The following ADGRV1 variants were observed in gnomAD, a reference collection of about 807,000 sequenced individuals.
ADGRV1 encodes G-protein coupled receptor 98.
A neutral mutation model predicts 596.2 loss-of-function variants in ADGRV1; 359 were observed. The observed-to-expected ratio is 0.60, with a 90% CI of 0.55 to 0.66. The LOEUF is 0.66. ADGRV1 is among the 30% of genes least tolerant of loss of function. The probability of loss-of-function intolerance (pLI) is 0.00; values close to 1 mark genes in which losing one functional copy is unlikely to be tolerated. For synonymous variants in ADGRV1, 2,681 were observed against 2,679.2 expected, an observed-to-expected ratio of 1.00 and a Z score of -0.02; for missense variants, 7,274 against 7,575.6, an observed-to-expected ratio of 0.96 and a Z score of 1.48.
chr5:90,574,130 A>C (rs759505061), intron 1 of ADGRV1, among the ~76,000 whole-genome samples: 1 of 149,982 alleles, frequency 6.7e-6, no homozygotes, highest in African/African-American at 2.4e-5. Context: ...TGCTTTGTCT[A>C]TTGAGGCTCT....
At chr5:90,871,584 C>T (rs946697279) in intron 83 of ADGRV1, among the ~76,000 whole-genome samples, 8 of 152,180 alleles carry the variant, frequency 5.3e-5, no homozygotes, top group African/African-American at 9.7e-5. Flanking sequence ...ACATAGCTTT[C>T]GTTACTAGGA....
intron 38 of ADGRV1, 34 bp from the exon 39 acceptor site, chr5:90,708,782 A>G: frequency 7.5e-7 from 1 of 1,331,628 alleles, no homozygotes. Flanking sequence ...TTGAGAGTAT[A>G]ACTAAAGGAA....
chr5:90,895,973 T>G (rs547775169), intron 83 of ADGRV1, among the ~76,000 whole-genome samples: 1 of 152,216 alleles, frequency 6.6e-6, no homozygotes, highest in South Asian at 2.1e-4. Context: ...TGTGCTCTAT[T>G]CTGTTTAGGA....
intron 78 of ADGRV1, among the ~76,000 whole-genome samples, 189 bp from the exon 79 acceptor site, chr5:90,848,448 T>G (rs1478020189): frequency 6.6e-6 from 1 of 152,138 alleles, no homozygotes; most frequent in Non-Finnish European, 1.5e-5. Context: ...TGATTACTTA[T>G]GCCTTTTCAA....
At position 90,791,297 on chromosome 5, in the gene ADGRV1, T is replaced by G; in HGVS notation, c.14468T>G (p.Val4823Gly). The G allele has an allele frequency of 1.3e-6, 2 of 1,595,630 alleles. No homozygotes were observed. The highest frequency in any genetic ancestry group is 1.7e-6 in the Non-Finnish European group (2 of 1,170,472). The change falls in exon 70 of 90, where the codon GTC (valine) becomes GGC (glycine). Residue 4823 changes from valine (V) to glycine (G), a missense_variant. Physicochemically the swap from Val to Gly is moderately radical, Grantham distance 109. This residue lies in a region of ADGRV1 where 1,874 missense variants were observed against 1,970.2 expected (regional missense o/e 0.95). Transcript: ENST00000405460. ...VTENAERQLV[V>G]KDGATYKVDV... ...GAAAATGCAGAGAGGCAGCTGGTGG[T>G]CAAAGATGGTGCCACATATAAAGTG...
chr5:90,653,212 G>A lies in ADGRV1; in HGVS notation c.3638G>A (p.Gly1213Glu), dbSNP rs1768895264. The A allele has an allele frequency of 1.9e-6, 3 of 1,602,734 alleles. No individual in the cohort carries two copies. The highest frequency in any genetic ancestry group is 1.7e-4 in the Middle Eastern group (1 of 5,988). The change falls in exon 20 of 90, where the codon GGA becomes GAA. Residue 1213 changes from glycine to glutamate, a missense_variant. Physicochemically the swap from Gly to Glu is moderately conservative, Grantham distance 98. Transcript: ENST00000405460. Reference protein sequence around the residue: ...YFLKLVNISGGSPGPGGQLAE... With the variant: ...YFLKLVNISGESPGPGGQLAE... ...CTCATAAATTTTCTTGTTACAGGTG[G>A]ATCCCCAGGTCCTGGGGGCCAGCTA...
chr5:91,036,540 C>T (rs1387366295), intron 85 of ADGRV1, among the ~76,000 whole-genome samples: 1 of 146,498 alleles, frequency 6.8e-6, no homozygotes, highest in African/African-American at 2.5e-5. Context: ...CTAGCCTGGG[C>T]GACAAAGCGA....
At chr5:90,783,704 C>T in intron 66 of ADGRV1, 134 bp from the exon 67 acceptor site, 1 of 638,256 alleles carries the variant, frequency 1.6e-6, no homozygotes, top group East Asian at 2.7e-5. Flanking sequence ...GCTAAGCACC[C>T]ACTTCTTACC....
At chr5:91,152,056 C>T (rs945837331) in intron 88 of ADGRV1, among the ~76,000 whole-genome samples, 1 of 152,210 alleles carries the variant, frequency 6.6e-6, no homozygotes, top group African/African-American at 2.4e-5. Context: ...CAGTCCAATT[C>T]TTGGTCCAGA....
chr5:91,159,752 A>C (rs1343773356), intron 89 of ADGRV1, among the ~76,000 whole-genome samples: 1 of 152,080 alleles, frequency 6.6e-6, no homozygotes, highest in East Asian at 1.9e-4. Context: ...AGTGTCCCCA[A>C]CCAGGACTTT....
intron 83 of ADGRV1, among the ~76,000 whole-genome samples, chr5:90,951,053 C>T (rs1461450798): frequency 1.3e-5 from 2 of 152,068 alleles, no homozygotes; most frequent in African/African-American, 2.4e-5. Flanking sequence ...AAACAATAGG[C>T]AAAAGGGAAG....
chr5:90,781,248 G>A, intron 64 of ADGRV1, 182 bp from the exon 65 acceptor site: 1 of 631,668 alleles, frequency 1.6e-6, no homozygotes, highest in South Asian at 1.9e-5. Flanking sequence ...ACAGAAATCT[G>A]TTTCAAAACA....
chr5:90,805,470 T>G lies in ADGRV1; in HGVS notation c.14836+12T>G. On this transcript the variant is annotated intron_variant, in intron 72 of 89. Coordinates refer to ENST00000405460, the MANE Select transcript of ADGRV1 (RefSeq NM_032119.4). ...GACCCCAACACTGGGTGAGTTGTAGTTTTTCTAAGATGAGTCCTGTAGAAT... is the reference window on the plus strand; with the variant it reads ...GACCCCAACACTGGGTGAGTTGTAGGTTTTCTAAGATGAGTCCTGTAGAAT... 6.4e-7 allele frequency: 1 copy of G among 1,567,702 alleles called. No individual in the cohort carries two copies. The highest frequency in any genetic ancestry group is 1.7e-5 in the Admixed American group (1 of 58,046).
intron 83 of ADGRV1, among the ~76,000 whole-genome samples, chr5:90,958,692 T>A (rs770284008): frequency 4.6e-5 from 7 of 152,180 alleles, no homozygotes; most frequent in Non-Finnish European, 8.8e-5. Context: ...TGTGCGTGTC[T>A]GTGTCCAAAA....
At chr5:90,922,539 G>A (rs78215119) in intron 83 of ADGRV1, among the ~76,000 whole-genome samples, 4,426 of 152,194 alleles carry the variant, frequency 0.029, 101 homozygotes, top group Middle Eastern at 0.044. Context: ...AGTCTCCTGT[G>A]TCTGGAAAGC....
chr5:90,735,976 C>T (rs527397938), intron 50 of ADGRV1, among the ~76,000 whole-genome samples: 5 of 152,186 alleles, frequency 3.3e-5, no homozygotes, highest in South Asian at 4.1e-4. Flanking sequence ...TTCTTTCTCT[C>T]GCTTAATTGC....
intron 38 of ADGRV1, among the ~76,000 whole-genome samples, chr5:90,706,598 G>T (rs1170303356): frequency 6.6e-6 from 1 of 151,872 alleles, no homozygotes; most frequent in Non-Finnish European, 1.5e-5. Context: ...TAACTACATA[G>T]AAGGTAGAAA....
intron 25 of ADGRV1, chr5:90,676,873 A>C (rs1222655054): frequency 6.6e-6 from 1 of 152,224 alleles, no homozygotes; most frequent in Non-Finnish European, 1.5e-5. Context: ...CAGTTCTGCT[A>C]TTCAGAAAGC....
chr5:91,077,839 C>T (rs981063240), intron 86 of ADGRV1, among the ~76,000 whole-genome samples: 4 of 152,154 alleles, frequency 2.6e-5, no homozygotes, highest in East Asian at 1.9e-4. Flanking sequence ...TCTCTGGCAA[C>T]GATAAGCATG....
Sources: gnomAD v4.1 joint callset for allele counts (sites outside exome capture counted in the v4.1 genomes callset) on GRCh38, gnomAD v4.1.1 for gene constraint, gnomAD v4.1.1 regional missense constraint, MANE v1.5 for transcripts, NCBI Gene and HGNC (gene_info 2026-07-23, HGNC 2026-07-21) for gene names.